Variants in FANCC observed in about 807,000 individuals in gnomAD.
FANCC encodes FA complementation group C.
Under a neutral mutation model 71.3 loss-of-function variants are expected in FANCC, and 55 were observed. The ratio of observed to expected loss-of-function variants is 0.77; its 90% confidence interval spans 0.62 to 0.97. The LOEUF is 0.97. FANCC is among the 50% of genes least tolerant of loss of function. The pLI is 0.00. For synonymous variants in FANCC, 275 were observed against 244.9 expected, an observed-to-expected ratio of 1.12 and a Z score of -1.15; for missense variants, 678 against 670.9, an observed-to-expected ratio of 1.01 and a Z score of -0.12.
chr9:95,270,876 C>T (rs999658702), intron 1 of FANCC, among the ~76,000 whole-genome samples: 4 of 152,124 alleles, frequency 2.6e-5, no homozygotes, highest in Non-Finnish European at 4.4e-5. Flanking sequence ...TAATCCTGCT[C>T]GATTTGGCCC....
At chr9:95,110,931 T>C in intron 13 of FANCC, 1 of 1,332,178 alleles carries the variant, frequency 7.5e-7, no homozygotes, top group Non-Finnish European at 9.6e-7. Context: ...CCAACTTCTT[T>C]TTCAGAAGCA....
intron 6 of FANCC, 99 bp from the exon 7 acceptor site, chr9:95,150,186 C>A: frequency 8.2e-7 from 1 of 1,225,208 alleles, no homozygotes. Context: ...GACAGATCAC[C>A]TGTTTTGCCT....
chr9:95,187,988 C>T (rs1473470551), intron 4 of FANCC, among the ~76,000 whole-genome samples: 2 of 151,356 alleles, frequency 1.3e-5, no homozygotes, highest in East Asian at 2.1e-4. Context: ...ACTGTCACTA[C>T]GCATCAGTGT....
intron 7 of FANCC, among the ~76,000 whole-genome samples, chr9:95,149,506 TCTCG>T (rs1829992777): frequency 6.7e-6 from 1 of 149,712 alleles, no homozygotes; most frequent in Admixed American, 6.7e-5. Flanking sequence ...TGAGATGGAG[TCTCG>T]CTCTGTTGCC....
intron 7 of FANCC, among the ~76,000 whole-genome samples, chr9:95,144,081 C>T (rs1285198399): frequency 6.7e-6 from 1 of 150,252 alleles, no homozygotes; most frequent in Non-Finnish European, 1.5e-5. Context: ...GGTTAGAGTG[C>T]ATTGGTCAAA....
chr9:95,239,942 T>G (rs1830537960), intron 4 of FANCC, among the ~76,000 whole-genome samples: 1 of 152,206 alleles, frequency 6.6e-6, no homozygotes, highest in Admixed American at 6.5e-5. Context: ...CAGCCAGTCC[T>G]GGGGTTGCTG....
At chr9:95,223,074 G>C (rs956462054) in intron 4 of FANCC, among the ~76,000 whole-genome samples, 1 of 152,078 alleles carries the variant, frequency 6.6e-6, no homozygotes, top group Non-Finnish European at 1.5e-5. Flanking sequence ...ACACTGCTTT[G>C]GATAAACTAT....
intron 1 of FANCC, among the ~76,000 whole-genome samples, chr9:95,263,141 A>G (rs568901029): frequency 6.6e-6 from 1 of 152,282 alleles, no homozygotes; most frequent in South Asian, 2.1e-4. Context: ...ACAAATGACA[A>G]ACCTACAGTG....
intron 1 of FANCC, chr9:95,293,864 G>A (rs1265158752): frequency 2.5e-6 from 4 of 1,609,100 alleles, no homozygotes; most frequent in Non-Finnish European, 3.4e-6. Flanking sequence ...ATGTACAGAT[G>A]GACCAAGCTG....
chr9:95,259,371 G>C (rs1831877935), intron 1 of FANCC, among the ~76,000 whole-genome samples: 1 of 152,110 alleles, frequency 6.6e-6, no homozygotes, highest in African/African-American at 2.4e-5. Flanking sequence ...CAGAACAGAG[G>C]CCTCAGAAAT....
intron 6 of FANCC, among the ~76,000 whole-genome samples, chr9:95,151,822 G>T (rs866599620): frequency 5.3e-5 from 8 of 151,992 alleles, no homozygotes; most frequent in South Asian, 2.1e-4. Flanking sequence ...AGCTACTCGG[G>T]GGGGCGGAGG....
chr9:95,156,159 T>C (rs1455083003), intron 6 of FANCC, among the ~76,000 whole-genome samples: 1 of 152,172 alleles, frequency 6.6e-6, no homozygotes. Flanking sequence ...TCAAAAGTAA[T>C]ATGAACAAAT....
At chr9:95,286,862 A>G (rs756572597) in intron 1 of FANCC, among the ~76,000 whole-genome samples, 1 of 152,192 alleles carries the variant, frequency 6.6e-6, no homozygotes, top group Admixed American at 6.5e-5. Flanking sequence ...TAATATGAAC[A>G]TATCTTTATA....
At chr9:95,143,560 T>A (rs1176316637) in intron 7 of FANCC, among the ~76,000 whole-genome samples, 1 of 152,238 alleles carries the variant, frequency 6.6e-6, no homozygotes, top group Non-Finnish European at 1.5e-5. Context: ...TTTAGGAGCC[T>A]GGATGAAGAC....
At chr9:95,254,217 G>A (rs568894148) in intron 1 of FANCC, among the ~76,000 whole-genome samples, 20 of 152,310 alleles carry the variant, frequency 1.3e-4, no homozygotes, top group African/African-American at 2.4e-4. Context: ...AGTATAAATC[G>A]TATTTATATG....
intron 4 of FANCC, among the ~76,000 whole-genome samples, chr9:95,201,680 G>C (rs746666372): frequency 6.6e-6 from 1 of 152,158 alleles, no homozygotes; most frequent in Non-Finnish European, 1.5e-5. Context: ...CACCACACAA[G>C]AACTACAATT....
At position 95,233,589 on chromosome 9, in the gene FANCC, G is replaced by T. The variant is rs117435548; in HGVS notation, c.345+7060C>A. 2.4e-4 allele frequency among the ~76,000 whole-genome samples: 36 copies of T among 152,302 alleles called. No individual in the cohort carries two copies. The East Asian group carries it at 6.8e-3, about 29-fold the overall frequency. ...AGTGCAGCAAGATGCTAGGATCTGG[G>T]AAGATCAGGGAGTGGCCTTCATGAT... On this transcript the variant is annotated intron_variant, in intron 4 of 14. Coordinates refer to ENST00000289081, the MANE Select transcript of FANCC (RefSeq NM_000136.3).
At chr9:95,165,278 C>T (rs1171390742) in intron 6 of FANCC, among the ~76,000 whole-genome samples, 3 of 151,582 alleles carry the variant, frequency 2.0e-5, no homozygotes, top group Non-Finnish European at 4.4e-5. Context: ...TTATTAGTCT[C>T]TCCCTTTTAA....
intron 6 of FANCC, among the ~76,000 whole-genome samples, chr9:95,151,561 C>T (rs1485392045): frequency 6.6e-6 from 1 of 152,196 alleles, no homozygotes; most frequent in African/African-American, 2.4e-5. Flanking sequence ...TGGTTTTTCA[C>T]TATTCAGACA....
Sources: gnomAD v4.1 joint callset for allele counts (sites outside exome capture counted in the v4.1 genomes callset) on GRCh38, gnomAD v4.1.1 for gene constraint, MANE v1.5 for transcripts, NCBI Gene and HGNC (gene_info 2026-07-23, HGNC 2026-07-21) for gene names.